The following SKAP1 variants were observed in gnomAD, a reference collection of about 807,000 sequenced individuals.
SKAP1 encodes src kinase associated phosphoprotein 1.
In SKAP1, 44 loss-of-function variants were observed where a neutral mutation model predicts 58.5. The observed-to-expected ratio is 0.75, with a 90% CI of 0.59 to 0.97. The LOEUF is 0.97. Among genes scored for constraint, SKAP1 ranks in the 50% least tolerant of loss-of-function variants. The pLI, the probability that SKAP1 is intolerant of heterozygous loss-of-function variation, is 0.00. For missense variants in SKAP1, 390 were observed against 435.2 expected, an observed-to-expected ratio of 0.90 and a Z score of 0.92; for synonymous variants, 127 against 149.7, an observed-to-expected ratio of 0.85 and a Z score of 1.11.
chr17:48,256,745 G>T (rs1274957808), intron 4 of SKAP1, among the ~76,000 whole-genome samples: 1 of 152,102 alleles, frequency 6.6e-6, no homozygotes, highest in Non-Finnish European at 1.5e-5. Context: ...AGGAGGCTCT[G>T]AGGGCTCCTT....
intron 10 of SKAP1, among the ~76,000 whole-genome samples, chr17:48,169,104 A>G (rs2064177647): frequency 7.4e-5 from 3 of 40,348 alleles, no homozygotes; most frequent in South Asian, 1.9e-3. Flanking sequence ...CATGAGGAAC[A>G]AAAGGTTTTT....
chr17:48,245,734 GGGAGGTCAAGGTGGGTGGATCACT>G, intron 4 of SKAP1, among the ~76,000 whole-genome samples: 1 of 152,270 alleles, frequency 6.6e-6, no homozygotes, highest in East Asian at 1.9e-4. Flanking sequence ...CCAACACTTT[GGGAGGTCAAGGTGGGTGGATCACT>G]GGAGGTCAGG....
intron 2 of SKAP1, among the ~76,000 whole-genome samples, chr17:48,391,813 C>T (rs1194357127): frequency 2.1e-5 from 3 of 139,836 alleles, no homozygotes; most frequent in Non-Finnish European, 1.5e-5. Flanking sequence ...TCTGCATTGG[C>T]ACTGAAGCTC....
chr17:48,155,813 C>A (rs778761119), intron 11 of SKAP1, among the ~76,000 whole-genome samples: 1 of 152,168 alleles, frequency 6.6e-6, no homozygotes, highest in Non-Finnish European at 1.5e-5. Flanking sequence ...GCCGAGACCG[C>A]GCCGCTGCAT....
chr17:48,188,576 C>T (rs1027996637), intron 5 of SKAP1, among the ~76,000 whole-genome samples: 2 of 152,034 alleles, frequency 1.3e-5, no homozygotes, highest in Admixed American at 6.6e-5. Context: ...TGTCTCAGCT[C>T]TTTGACAGGC....
chr17:48,227,377 T>C (rs1001726219), intron 4 of SKAP1, among the ~76,000 whole-genome samples: 7 of 152,166 alleles, frequency 4.6e-5, no homozygotes, highest in Non-Finnish European at 8.8e-5. Context: ...ACTACATGAG[T>C]TCATGGCTCC....
chr17:48,429,154 T>G (rs2067885317), intron 1 of SKAP1, among the ~76,000 whole-genome samples: 2 of 152,230 alleles, frequency 1.3e-5, no homozygotes, highest in East Asian at 3.9e-4. Context: ...CTATGTCAAC[T>G]TAGATGCCAA....
chr17:48,137,175 G>A, intron 12 of SKAP1, 54 bp downstream of exon 12: 1 of 1,092,836 alleles, frequency 9.2e-7, no homozygotes, highest in Non-Finnish European at 1.4e-6. Flanking sequence ...ACAAAGTAGT[G>A]GCCCACAAGT....
chr17:48,222,829 G>A (rs1567826879), intron 4 of SKAP1, among the ~76,000 whole-genome samples: 1 of 151,344 alleles, frequency 6.6e-6, no homozygotes, highest in Non-Finnish European at 1.5e-5. Context: ...ACTTTGGGAG[G>A]CTGAGGCGGG....
intron 4 of SKAP1, among the ~76,000 whole-genome samples, chr17:48,227,407 T>C (rs1008012071): frequency 6.6e-6 from 1 of 152,210 alleles, no homozygotes; most frequent in Non-Finnish European, 1.5e-5. Flanking sequence ...CTAAGATTCT[T>C]GGATCTTTCT....
intron 4 of SKAP1, among the ~76,000 whole-genome samples, chr17:48,285,294 C>T (rs370819807): frequency 6.6e-6 from 1 of 152,176 alleles, no homozygotes; most frequent in East Asian, 1.9e-4. Context: ...ACCACCTCCT[C>T]TTTCTGGTCA....
chr17:48,310,255 C>A (rs891300552), intron 4 of SKAP1, among the ~76,000 whole-genome samples: 2 of 152,128 alleles, frequency 1.3e-5, no homozygotes, highest in Non-Finnish European at 2.9e-5. Flanking sequence ...GGTTTTCTAG[C>A]CAAAGCCTTA....
intron 4 of SKAP1, among the ~76,000 whole-genome samples, chr17:48,319,092 G>A (rs2144213093): frequency 6.6e-6 from 1 of 152,256 alleles, no homozygotes; most frequent in South Asian, 2.1e-4. Context: ...CAAAACAGAA[G>A]AAATAGACTG....
At chr17:48,325,009 G>A (rs2066415259) in intron 4 of SKAP1, among the ~76,000 whole-genome samples, 1 of 152,014 alleles carries the variant, frequency 6.6e-6, no homozygotes, top group Non-Finnish European at 1.5e-5. Context: ...AGCACTTTGG[G>A]AGGCCGAGGC....
intron 2 of SKAP1, among the ~76,000 whole-genome samples, chr17:48,369,573 A>G (rs1303683112): frequency 6.6e-6 from 1 of 152,196 alleles, no homozygotes; most frequent in Non-Finnish European, 1.5e-5. Flanking sequence ...GTATTGAGGG[A>G]ATCTTGATAA....
rs140592686 is a variant in SKAP1, at chr17:48,188,890, C to T, written c.358+533G>A. 4.3e-4 allele frequency among the ~76,000 whole-genome samples: 65 copies of T among 152,260 alleles called. No homozygotes were observed. In the East Asian group the frequency reaches 9.7e-3, roughly 23 times the overall value. On this transcript the variant is annotated intron_variant, in intron 5 of 12. Transcript: ENST00000336915. ...TGGCACGCACCTGTAGTCCCAGTTACTCAGGAGGCTGAGACAGCAGAATCG... is the reference window on the plus strand; with the variant it reads ...TGGCACGCACCTGTAGTCCCAGTTATTCAGGAGGCTGAGACAGCAGAATCG...
intron 2 of SKAP1, among the ~76,000 whole-genome samples, chr17:48,394,691 T>G (rs2067393885): frequency 6.6e-6 from 1 of 152,200 alleles, no homozygotes. Flanking sequence ...TTTCTTTTTA[T>G]GCCAAGCTTT....
At chr17:48,358,486 T>C (rs1412650116) in intron 3 of SKAP1, among the ~76,000 whole-genome samples, 1 of 152,176 alleles carries the variant, frequency 6.6e-6, no homozygotes, top group Non-Finnish European at 1.5e-5. Flanking sequence ...TGTTCTTCCA[T>C]TCAACATGTC....
intron 4 of SKAP1, among the ~76,000 whole-genome samples, chr17:48,220,985 C>A (rs183551381): frequency 8.7e-4 from 132 of 151,632 alleles, no homozygotes; most frequent in Middle Eastern, 3.5e-3. Context: ...AAAAAATCAC[C>A]AGGGTGGGCA....
Sources: gnomAD v4.1 joint callset for allele counts (sites outside exome capture counted in the v4.1 genomes callset) on GRCh38, gnomAD v4.1.1 for gene constraint, MANE v1.5 for transcripts, NCBI Gene and HGNC (gene_info 2026-07-23, HGNC 2026-07-21) for gene names.